Variants in PLCB1 observed in about 807,000 individuals in gnomAD.
The protein encoded by PLCB1 is phospholipase C beta 1, also known as 1-phosphatidylinositol 4,5-bisphosphate phosphodiesterase beta-1.
PLCB1 carries 46 observed loss-of-function variants against 161.8 expected under a neutral mutation model. The ratio of observed to expected loss-of-function variants is 0.28; its 90% CI spans 0.22 to 0.36. The LOEUF is 0.36. Among genes scored for constraint, PLCB1 ranks in the 10% least tolerant of loss-of-function variants. The probability of loss-of-function intolerance (pLI) is 1.00; values close to 1 mark genes in which losing one functional copy is unlikely to be tolerated. For synonymous variants in PLCB1, 517 were observed against 503.7 expected, an observed-to-expected ratio of 1.03 and a Z score of -0.35; for missense variants, 1,016 against 1,472.5, an observed-to-expected ratio of 0.69 and a Z score of 5.07.
chr20:8,321,374 C>T (rs185924562), intron 2 of PLCB1, among the ~76,000 whole-genome samples: 22 of 152,224 alleles, frequency 1.4e-4, no homozygotes, highest in Middle Eastern at 3.4e-3. Context: ...CTAAGCATTT[C>T]GTTCATTTGT....
At chr20:8,458,256 G>C (rs1981416910) in intron 3 of PLCB1, among the ~76,000 whole-genome samples, 1 of 152,164 alleles carries the variant, frequency 6.6e-6, no homozygotes, top group Non-Finnish European at 1.5e-5. Flanking sequence ...CTTCCAGCTG[G>C]TTGCTGCAGA....
chr20:8,301,043 G>T (rs1365969300), intron 2 of PLCB1, among the ~76,000 whole-genome samples: 6 of 152,262 alleles, frequency 3.9e-5, no homozygotes, highest in South Asian at 2.1e-4. Flanking sequence ...GCAGGAGTCA[G>T]TTCTACAATG....
At chr20:8,495,290 G>A (rs1045988821) in intron 3 of PLCB1, among the ~76,000 whole-genome samples, 1 of 151,440 alleles carries the variant, frequency 6.6e-6, no homozygotes, top group Admixed American at 6.6e-5. Flanking sequence ...CACATAGCCA[G>A]TAAGTAATGG....
chr20:8,385,163 G>A (rs1568656417), intron 3 of PLCB1, among the ~76,000 whole-genome samples: 1 of 152,162 alleles, frequency 6.6e-6, no homozygotes, highest in South Asian at 2.1e-4. Context: ...CAGAAACTGC[G>A]GCCACTCCTC....
intron 11 of PLCB1, among the ~76,000 whole-genome samples, chr20:8,704,598 A>G (rs1048035215): frequency 4.6e-5 from 7 of 152,212 alleles, no homozygotes; most frequent in African/African-American, 1.4e-4. Flanking sequence ...GGGTCAACAA[A>G]CTATCTTCTG....
At chr20:8,498,131 C>T (rs1451123419) in intron 3 of PLCB1, among the ~76,000 whole-genome samples, 1 of 152,066 alleles carries the variant, frequency 6.6e-6, no homozygotes, top group Non-Finnish European at 1.5e-5. Context: ...TAGAGTCTTG[C>T]TCTGTTGCCA....
intron 3 of PLCB1, among the ~76,000 whole-genome samples, chr20:8,608,078 A>G (rs763400105): frequency 2.0e-5 from 3 of 152,100 alleles, no homozygotes; most frequent in Non-Finnish European, 4.4e-5. Context: ...CTCTATCTCT[A>G]TGTACTTGGG....
intron 2 of PLCB1, among the ~76,000 whole-genome samples, chr20:8,163,399 A>C (rs1027503630): frequency 2.0e-5 from 3 of 152,202 alleles, no homozygotes; most frequent in East Asian, 3.9e-4. Context: ...CTAGGCTTTG[A>C]GAAATCCCTC....
At chr20:8,321,085 A>G (rs796245031) in intron 2 of PLCB1, among the ~76,000 whole-genome samples, 76 of 152,296 alleles carry the variant, frequency 5.0e-4, no homozygotes, top group African/African-American at 1.7e-3. Context: ...GTCATCCTCA[A>G]TGTTCGGCTC....
chr20:8,136,899 T>C (rs2123002870), intron 1 of PLCB1, among the ~76,000 whole-genome samples: 1 of 152,284 alleles, frequency 6.6e-6, no homozygotes, highest in South Asian at 2.1e-4. Context: ...TTACAAATAA[T>C]CCAAAAGTTT....
chr20:8,389,092 T>C (rs112143254), intron 3 of PLCB1, among the ~76,000 whole-genome samples: 3,088 of 152,330 alleles, frequency 0.02, 121 homozygotes, highest in African/African-American at 0.069. Context: ...TAGAATATTT[T>C]CTTTAATGGC....
intron 3 of PLCB1, among the ~76,000 whole-genome samples, chr20:8,483,324 G>A (rs1251764974): frequency 1.3e-5 from 2 of 152,156 alleles, no homozygotes; most frequent in Non-Finnish European, 2.9e-5. Flanking sequence ...TCTAAAGGTG[G>A]CACTCCCACA....
intron 3 of PLCB1, among the ~76,000 whole-genome samples, chr20:8,394,889 A>C (rs796451085): frequency 6.6e-6 from 1 of 152,280 alleles, no homozygotes; most frequent in East Asian, 1.9e-4. Context: ...AAAAGCTTTG[A>C]GCATCACTCA....
intron 3 of PLCB1, among the ~76,000 whole-genome samples, chr20:8,463,087 A>G (rs1286048248): frequency 6.6e-6 from 1 of 151,706 alleles, no homozygotes; most frequent in Non-Finnish European, 1.5e-5. Flanking sequence ...ATGCCCATTC[A>G]TCTTCTTAAA....
intron 25 of PLCB1, among the ~76,000 whole-genome samples, chr20:8,763,287 C>T (rs894546476): frequency 2.6e-5 from 4 of 152,208 alleles, no homozygotes; most frequent in African/African-American, 4.8e-5. Flanking sequence ...TTGAAACCTC[C>T]GTCTCCCGGG....
intron 24 of PLCB1, among the ~76,000 whole-genome samples, chr20:8,758,855 G>A (rs535677681): frequency 6.6e-6 from 1 of 152,112 alleles, no homozygotes; most frequent in African/African-American, 2.4e-5. Context: ...AGAATACATT[G>A]CAAAAATAAC....
chr20:8,767,208 G>C (rs1438069976), intron 26 of PLCB1, among the ~76,000 whole-genome samples: 1 of 152,146 alleles, frequency 6.6e-6, no homozygotes, highest in Non-Finnish European at 1.5e-5. Context: ...AGACCCTCGG[G>C]ACCTGACCCT....
chr20:8,479,721 T>G (rs944259258), intron 3 of PLCB1, among the ~76,000 whole-genome samples: 3 of 152,238 alleles, frequency 2.0e-5, no homozygotes, highest in Admixed American at 2.0e-4. Flanking sequence ...CTTTAGCTAG[T>G]CAAATGTTAG....
chr20:8,823,686 T>C (rs1308586001), intron 31 of PLCB1, among the ~76,000 whole-genome samples: 1 of 152,240 alleles, frequency 6.6e-6, no homozygotes, highest in Non-Finnish European at 1.5e-5. Flanking sequence ...TATTCCCTAG[T>C]GGCATCTTTG....
Sources: gnomAD v4.1 joint callset for allele counts (sites outside exome capture counted in the v4.1 genomes callset) on GRCh38, gnomAD v4.1.1 for gene constraint, MANE v1.5 for transcripts, NCBI Gene and HGNC (gene_info 2026-07-23, HGNC 2026-07-21) for gene names.